Variants in EPC2 observed in about 807,000 individuals in gnomAD.
The protein encoded by EPC2 is enhancer of polycomb 2.
In EPC2, 14 loss-of-function variants were observed where a neutral mutation model predicts 92.1. The ratio of observed to expected loss-of-function variants is 0.15; its 90% CI spans 0.10 to 0.24. EPC2 has a LOEUF of 0.24. EPC2 is among the 10% of genes least tolerant of loss of function. EPC2 has a pLI of 1.00. For missense variants in EPC2, 755 were observed against 971.5 expected (o/e 0.78, Z 2.96); for synonymous variants, 340 against 334.7 (o/e 1.02, Z -0.17).
chr2:148,675,791 A>G lies in EPC2; in HGVS notation c.154-14423A>G, dbSNP rs1432139430. ...TTTATACGTTTTTTAGTCCATTACT[A>G]ATAAGCTTACATTATAAGGTGGTAG... On this transcript the variant is annotated intron_variant, in intron 1 of 13. Transcript: ENST00000258484. 2.0e-5 allele frequency among the ~76,000 whole-genome samples: 3 copies of G among 152,314 alleles called. No individual in the cohort carries two copies. The East Asian group carries it at 5.8e-4, about 29-fold the overall frequency.
At chr2:148,698,376 G>A (rs948308155) in intron 2 of EPC2, among the ~76,000 whole-genome samples, 3 of 152,064 alleles carry the variant, frequency 2.0e-5, no homozygotes, top group Admixed American at 2.0e-4. Context: ...AGTGGCTCGT[G>A]CCTGTAATCC....
chr2:148,759,051 A>G (rs966150955), intron 4 of EPC2, among the ~76,000 whole-genome samples: 1 of 152,204 alleles, frequency 6.6e-6, no homozygotes, highest in Non-Finnish European at 1.5e-5. Context: ...TGTGGTTTTT[A>G]ATATGGAGTC....
intron 1 of EPC2, among the ~76,000 whole-genome samples, chr2:148,679,857 A>C (rs541901452): frequency 1.3e-5 from 2 of 152,260 alleles, no homozygotes; most frequent in South Asian, 2.1e-4. Context: ...CATGTTGCCC[A>C]GGGTGGTCTC....
At chr2:148,683,908 T>G (rs959109274) in intron 1 of EPC2, among the ~76,000 whole-genome samples, 3 of 152,254 alleles carry the variant, frequency 2.0e-5, no homozygotes, top group Admixed American at 6.5e-5. Context: ...CTGGATCAAA[T>G]CTACTTTTAG....
intron 4 of EPC2, among the ~76,000 whole-genome samples, chr2:148,755,577 A>G (rs1338715503): frequency 6.6e-6 from 1 of 152,170 alleles, no homozygotes; most frequent in Admixed American, 6.5e-5. Context: ...ATGTTTAGAT[A>G]TGTTAGATAC....
chr2:148,771,802 AT>A (rs201766598), intron 10 of EPC2, among the ~76,000 whole-genome samples: 525 of 144,456 alleles, frequency 3.6e-3, no homozygotes, highest in Middle Eastern at 7.1e-3. Flanking sequence ...CCTGTGAATA[AT>A]TTTTTTTTTT....
At chr2:148,782,445 G>A (rs573610373) in intron 11 of EPC2, among the ~76,000 whole-genome samples, 3 of 152,208 alleles carry the variant, frequency 2.0e-5, no homozygotes, top group Admixed American at 6.5e-5. Context: ...GCTGAGGCAT[G>A]AGAATCGCTT....
intron 4 of EPC2, among the ~76,000 whole-genome samples, chr2:148,757,454 C>T (rs1683214207): frequency 6.6e-6 from 1 of 152,148 alleles, no homozygotes; most frequent in African/African-American, 2.4e-5. Flanking sequence ...ATATTACATA[C>T]ATATTTCCTA....
rs765854975 is a variant in EPC2, at chr2:148,771,059, A to G, written c.1392A>G (p.Arg464=). The part of the protein sequence containing the change: ...IGRGGRVIMD[R]ISTEHDPVLK... The stretch of plus-strand genomic sequence containing the variant: ...TGCTTTTCAGGGTCATAATGGACCG[A>G]ATATCCACAGAACATGACCCAGTCC... Residue 464 remains arginine (R), a synonymous_variant, in exon 10 of 14, where the codon CGA becomes CGG. Transcript: ENST00000258484. 1.9e-6 allele frequency: 3 copies of G among 1,606,362 alleles called. No individual in the cohort carries two copies. In the East Asian group the frequency reaches 6.7e-5, roughly 36 times the overall value.
At chr2:148,683,589 G>T (rs1681455393) in intron 1 of EPC2, among the ~76,000 whole-genome samples, 1 of 152,028 alleles carries the variant, frequency 6.6e-6, no homozygotes, top group Admixed American at 6.6e-5. Flanking sequence ...TTATGCCTTT[G>T]CATCCTCATA....
At position 148,670,004 on chromosome 2, in the gene EPC2, T is replaced by G. The variant is rs542275101; in HGVS notation, c.154-20210T>G. On this transcript the variant is annotated intron_variant, in intron 1 of 13. Coordinates refer to ENST00000258484, the MANE Select transcript of EPC2 (RefSeq NM_015630.4). ...TGCTAAGTACTCCAGGGAAGCCTCT[T>G]TAGAGCTCCTGGGTTCTTTCTCCGT... Among the ~76,000 whole-genome samples, 3 of 152,290 alleles carry G rather than the reference T, an allele frequency of 2.0e-5. No individual in the cohort carries two copies. The South Asian group carries it at 6.2e-4, about 32-fold the overall frequency.
At chr2:148,736,516 G>A (rs1682757085) in intron 2 of EPC2, among the ~76,000 whole-genome samples, 2 of 152,196 alleles carry the variant, frequency 1.3e-5, no homozygotes, top group South Asian at 4.1e-4. Flanking sequence ...TCCTAGGGGT[G>A]TTCATTACTA....
At chr2:148,715,952 TGTATTTCCAG>T (rs1159073706) in intron 2 of EPC2, among the ~76,000 whole-genome samples, 1 of 152,302 alleles carries the variant, frequency 6.6e-6, no homozygotes, top group East Asian at 1.9e-4. Flanking sequence ...CCTTATTAGC[TGTATTTCCAG>T]GTATTTTATT....
At chr2:148,711,797 T>C (rs1163013083) in intron 2 of EPC2, among the ~76,000 whole-genome samples, 3 of 152,368 alleles carry the variant, frequency 2.0e-5, no homozygotes, top group South Asian at 4.1e-4. Context: ...GGGATTGTTA[T>C]ATCTTCTTGG....
intron 4 of EPC2, among the ~76,000 whole-genome samples, chr2:148,756,273 T>C (rs1004637422): frequency 9.9e-5 from 15 of 152,232 alleles, no homozygotes; most frequent in African/African-American, 3.4e-4. Flanking sequence ...TTACTTTTTA[T>C]TCCTTTCTGT....
intron 1 of EPC2, among the ~76,000 whole-genome samples, chr2:148,684,228 T>G (rs1188662825): frequency 6.6e-6 from 1 of 152,240 alleles, no homozygotes. Context: ...CTTGCTGATT[T>G]GAGTTCCTTG....
At chr2:148,698,438 C>T (rs2105375729) in intron 2 of EPC2, among the ~76,000 whole-genome samples, 1 of 151,962 alleles carries the variant, frequency 6.6e-6, no homozygotes, top group East Asian at 1.9e-4. Flanking sequence ...GAGTTCAAGA[C>T]CAGCCTGGCC....
chr2:148,679,742 C>T (rs1681355020), intron 1 of EPC2, among the ~76,000 whole-genome samples: 2 of 152,168 alleles, frequency 1.3e-5, no homozygotes, highest in Non-Finnish European at 2.9e-5. Flanking sequence ...CATTCCTGCG[C>T]TCAAGTGATC....
At chr2:148,749,544 T>G (rs979849794) in intron 3 of EPC2, among the ~76,000 whole-genome samples, 1 of 152,046 alleles carries the variant, frequency 6.6e-6, no homozygotes, top group African/African-American at 2.4e-5. Flanking sequence ...TGATTATGCT[T>G]TGGATGGGGC....
Sources: gnomAD v4.1 joint callset for allele counts (sites outside exome capture counted in the v4.1 genomes callset) on GRCh38, gnomAD v4.1.1 for gene constraint, MANE v1.5 for transcripts, NCBI Gene and HGNC (gene_info 2026-07-23, HGNC 2026-07-21) for gene names.